DRC11: variants seen among roughly 807,000 people sequenced by gnomAD.
DRC11 encodes the protein dynein regulatory complex subunit 11, also known as IQ and AAA domain-containing protein 1.
chr2:236,465,906 T>C, the DRC11 span, among the ~76,000 whole-genome samples: 1 of 152,252 alleles, frequency 6.6e-6, no homozygotes, highest in Non-Finnish European at 1.5e-5. This position sits in a 1 kb window ranked among gnomAD's most constrained non-coding sequence, Gnocchi z 6.2. Context: ...CCTGACATAA[T>C]GCTTTATGTT....
chr2:236,357,534 T>G, the DRC11 span, among the ~76,000 whole-genome samples: 1 of 127,658 alleles, frequency 7.8e-6, no homozygotes, highest in Non-Finnish European at 1.5e-5. Context: ...ATATTATGAA[T>G]ATAATTTATA....
the DRC11 span, among the ~76,000 whole-genome samples, chr2:236,484,719 C>T: frequency 6.6e-6 from 1 of 152,072 alleles, no homozygotes; most frequent in East Asian, 1.9e-4. Flanking sequence ...AGTAGCAGTC[C>T]CTGAGACTGT....
the DRC11 span, chr2:236,399,586 GC>G: frequency 2.1e-6 from 2 of 951,646 alleles, no homozygotes; most frequent in Non-Finnish European, 3.3e-6. The surrounding 1 kb of genome is among the most constrained non-coding windows in gnomAD (Gnocchi z 7.0). Context: ...TGCCGCGCAG[GC>G]CCAGTCCTGG....
chr2:236,326,069 T>C, the DRC11 span, among the ~76,000 whole-genome samples: 2 of 152,230 alleles, frequency 1.3e-5, no homozygotes, highest in Non-Finnish European at 2.9e-5. Context: ...AATTGTTTCT[T>C]TGTAGGTAAT....
the DRC11 span, among the ~76,000 whole-genome samples, chr2:236,473,854 T>C: frequency 6.6e-6 from 1 of 152,192 alleles, no homozygotes; most frequent in South Asian, 2.1e-4. This position sits in a 1 kb window ranked among gnomAD's most constrained non-coding sequence, Gnocchi z 4.8. Flanking sequence ...TGATGTCTCT[T>C]GCTCTAATTC....
chr2:236,308,762 C>T, the DRC11 span, among the ~76,000 whole-genome samples: 3 of 152,202 alleles, frequency 2.0e-5, no homozygotes, highest in South Asian at 2.1e-4. This position sits in a 1 kb window ranked among gnomAD's most constrained non-coding sequence, Gnocchi z 6.0. Flanking sequence ...CATAGATGGA[C>T]GCTAGGGTTG....
At chr2:236,372,299 G>A in the DRC11 span, among the ~76,000 whole-genome samples, 5 of 152,234 alleles carry the variant, frequency 3.3e-5, no homozygotes, top group African/African-American at 7.2e-5. The surrounding 1 kb of genome is among the most constrained non-coding windows in gnomAD (Gnocchi z 4.5). Flanking sequence ...CCTAGGAAAC[G>A]TAGCATTCCT....
At chr2:236,471,288 T>TAA in the DRC11 span, among the ~76,000 whole-genome samples, 157 of 150,728 alleles carry the variant, frequency 1.0e-3, no homozygotes, top group African/African-American at 3.6e-3. The surrounding 1 kb of genome is among the most constrained non-coding windows in gnomAD (Gnocchi z 4.6). Flanking sequence ...TCCTCTGACT[T>TAA]AAAAAAAAAC....
chr2:236,441,055 G>A, the DRC11 span: 60 of 1,551,014 alleles, frequency 3.9e-5, no homozygotes, highest in Admixed American at 6.0e-4. Context: ...GTATGGTCTT[G>A]TCAGAAAAAA....
chr2:236,465,696 GA>G, the DRC11 span: 1 of 1,608,052 alleles, frequency 6.2e-7, no homozygotes, highest in South Asian at 1.1e-5. This position sits in a 1 kb window ranked among gnomAD's most constrained non-coding sequence, Gnocchi z 6.2. Flanking sequence ...CTTCATTAAA[GA>G]GAGGAGGTGG....
chr2:236,455,069 A>T, the DRC11 span: 2 of 152,174 alleles, frequency 1.3e-5, no homozygotes, highest in Non-Finnish European at 2.9e-5. This position sits in a 1 kb window ranked among gnomAD's most constrained non-coding sequence, Gnocchi z 5.7. Flanking sequence ...AGTAGGAGAG[A>T]GGCAATTAGG....
At chr2:236,389,055 C>T in the DRC11 span, among the ~76,000 whole-genome samples, 1 of 152,114 alleles carries the variant, frequency 6.6e-6, no homozygotes, top group African/African-American at 2.4e-5. Context: ...AGAACCACTG[C>T]TCTCTTCAAA....
chr2:236,484,103 T>A, the DRC11 span, among the ~76,000 whole-genome samples: 2 of 152,238 alleles, frequency 1.3e-5, no homozygotes, highest in Non-Finnish European at 2.9e-5. Context: ...TCACATTGGT[T>A]AAAATGTCGT....
chr2:236,482,632 A>T, the DRC11 span, among the ~76,000 whole-genome samples: 1 of 152,216 alleles, frequency 6.6e-6, no homozygotes, highest in African/African-American at 2.4e-5. This position sits in a 1 kb window ranked among gnomAD's most constrained non-coding sequence, Gnocchi z 4.5. Flanking sequence ...TTCATAGTTT[A>T]GCATATCTGA....
the DRC11 span, among the ~76,000 whole-genome samples, chr2:236,325,341 G>A: frequency 6.6e-6 from 1 of 152,120 alleles, no homozygotes; most frequent in African/African-American, 2.4e-5. This position sits in a 1 kb window ranked among gnomAD's most constrained non-coding sequence, Gnocchi z 4.4. Flanking sequence ...TTTCATTGCA[G>A]GATTATATTA....
chr2:236,493,028 C>CA, the DRC11 span, among the ~76,000 whole-genome samples: 1 of 152,188 alleles, frequency 6.6e-6, no homozygotes, highest in East Asian at 1.9e-4. Flanking sequence ...TAAAGACTTA[C>CA]CTGAGACTGG....
the DRC11 span, among the ~76,000 whole-genome samples, chr2:236,496,172 T>G: frequency 6.6e-6 from 1 of 152,230 alleles, no homozygotes; most frequent in Admixed American, 6.5e-5. This position sits in a 1 kb window ranked among gnomAD's most constrained non-coding sequence, Gnocchi z 6.3. Context: ...ATCTGGTGAT[T>G]GGCCCATGCT....
At chr2:236,331,748 G>A in the DRC11 span, 1 of 623,934 alleles carries the variant, frequency 1.6e-6, no homozygotes, top group African/African-American at 1.8e-5. This position sits in a 1 kb window ranked among gnomAD's most constrained non-coding sequence, Gnocchi z 4.8. Context: ...CCGAAGCCAA[G>A]TAACTAAATG....
chr2:236,444,090 A>T, the DRC11 span, among the ~76,000 whole-genome samples: 1 of 150,684 alleles, frequency 6.6e-6, no homozygotes, highest in Admixed American at 6.6e-5. Context: ...TGGATATTAG[A>T]CCTTTGTCAG....
Sources: allele counts gnomAD v4.1 joint callset (sites outside exome capture counted in the v4.1 genomes callset), GRCh38; gene constraint gnomAD v4.1.1; non-coding constraint Gnocchi (gnomAD v3.1); transcripts MANE v1.5; gene names NCBI Gene and HGNC (gene_info 2026-07-23, HGNC 2026-07-21).